Variants in DHX38 observed in about 807,000 individuals in gnomAD.
DHX38 encodes pre-mRNA-splicing factor ATP-dependent RNA helicase PRP16.
A neutral mutation model predicts 153.1 loss-of-function variants in DHX38; 100 were observed. That is an observed-to-expected ratio of 0.65 (90% CI 0.56 to 0.77). DHX38 has a LOEUF of 0.77. DHX38 is among the 30% of genes least tolerant of loss of function. The pLI is 0.00. For missense variants in DHX38, 1,440 were observed against 1,654.0 expected, an observed-to-expected ratio of 0.87 and a Z score of 2.24; for synonymous variants, 650 against 631.7, an observed-to-expected ratio of 1.03 and a Z score of -0.43.
At chr16:72,103,242 G>A (rs1347231482) in intron 12 of DHX38, 31 bp downstream of exon 12, 10 of 1,607,704 alleles carry the variant, frequency 6.2e-6, no homozygotes, top group Non-Finnish European at 7.7e-6. Context: ...GGAATCTAGT[G>A]TCAAGTCAGG....
At position 72,109,458 on chromosome 16, in the gene DHX38, C is replaced by A; in HGVS notation, c.3425C>A (p.Ala1142Glu). Residue 1142 changes from alanine (A) to glutamate (E), a missense_variant, in exon 25 of 27, where the codon GCG becomes GAG. By Grantham distance (107) the Ala-to-Glu change is moderately radical (BLOSUM62 -1). Transcript: ENST00000268482. ...CVTAVDGEWL[A>E]ELGPMFYSVK... ...ACCGCTGTGGACGGGGAGTGGCTGG[C>A]GGAGCTGGGCCCCATGTTCTATAGC... The A allele has an allele frequency of 6.4e-7, 1 of 1,573,502 alleles. No homozygotes were observed. Among genetic ancestry groups the A allele is most frequent in the East Asian group, 2.4e-5 (1 of 41,490 alleles).
At position 72,107,728 on chromosome 16, in the gene DHX38, A is replaced by G. The variant is rs780160485; in HGVS notation, c.2893A>G (p.Met965Val). The change falls in exon 21 of 27, where the codon ATG (methionine) becomes GTG (valine). Residue 965 changes from methionine (M) to valine (V), a missense_variant. Coordinates refer to ENST00000268482, the MANE Select transcript of DHX38 (RefSeq NM_014003.4). This position sits in a 1 kb window ranked among gnomAD's most constrained non-coding sequence, Gnocchi z 5.3. ...LSKMLIVSCD[M>V]GCSSEILLIV... is the part of the protein sequence containing the mutation. ...CAAGATGCTCATCGTGTCCTGTGAC[A>G]TGGGCTGCAGCTCCGAGATCCTGCT... is the stretch of plus-strand genomic sequence containing the variant. The G allele has an allele frequency of 6.3e-5, 102 of 1,613,856 alleles. No individual in the cohort carries two copies. Among genetic ancestry groups the G allele is most frequent in the Middle Eastern group, 1.6e-4 (1 of 6,084 alleles).
At chr16:72,102,073 G>A (rs2042109293) in intron 11 of DHX38, among the ~76,000 whole-genome samples, 1 of 152,220 alleles carries the variant, frequency 6.6e-6, no homozygotes, top group African/African-American at 2.4e-5. Flanking sequence ...ATTGGCCAGT[G>A]ACTTCTCTGC....
chr16:72,103,170 G>A lies in DHX38; in HGVS notation c.1596G>A (p.Leu532=), dbSNP rs1471027233. 1.9e-6 allele frequency: 3 copies of A among 1,614,230 alleles called. No individual in the cohort carries two copies. The highest frequency in any genetic ancestry group is 4.5e-5 in the East Asian group (2 of 44,890). ...CCATCCTGGAGCAGAGGCAGTACCTGCCCATCTTTGCAGTGCAGCAGGAGC... is the reference window on the plus strand; with the variant it reads ...CCATCCTGGAGCAGAGGCAGTACCTACCCATCTTTGCAGTGCAGCAGGAGC... ...KKSILEQRQY[L]PIFAVQQELL... The change falls in exon 12 of 27, where the codon CTG becomes CTA. Residue 532 remains leucine (L), a synonymous_variant. Coordinates refer to ENST00000268482, the MANE Select transcript of DHX38 (RefSeq NM_014003.4).
intron 3 of DHX38, 100 bp downstream of exon 3, chr16:72,097,109 G>C: frequency 2.2e-6 from 3 of 1,345,944 alleles, no homozygotes; most frequent in Non-Finnish European, 3.0e-6. Context: ...ATTTGTTAGG[G>C]AGTCCTATTT....
intron 3 of DHX38, 78 bp from the exon 4 acceptor site, chr16:72,097,599 C>G: frequency 7.1e-7 from 1 of 1,404,242 alleles, no homozygotes; most frequent in Admixed American, 1.9e-5. Flanking sequence ...AGTGGGCAGC[C>G]TGTCCTTTCT....
At chr16:72,109,803 A>C in intron 25 of DHX38, 1 of 239,724 alleles carries the variant, frequency 4.2e-6, no homozygotes, top group Non-Finnish European at 8.0e-6. Context: ...TGCCTCTATA[A>C]TTGTCAACGT....
In DHX38 at chr16:72,101,595, T is replaced by G. The variant is rs1372902436; in HGVS notation, c.1482T>G (p.Asp494Glu). 1 of 1,551,506 alleles carries G rather than the reference T, an allele frequency of 6.4e-7. No homozygotes were observed. The highest frequency in any genetic ancestry group is 8.7e-7 in the Non-Finnish European group (1 of 1,147,036). ...AGCCAGATAAAGCTGTGACGGAGGA[T>G]GGGAAGGTGGACTACAGGTGGGCAG... ...EEEPDKAVTE[D>E]GKVDYRTEQK... is the part of the protein sequence containing the mutation. Residue 494 changes from aspartate to glutamate, a missense_variant, in exon 11 of 27, where the codon GAT (aspartate) becomes GAG (glutamate). Coordinates refer to ENST00000268482, the MANE Select transcript of DHX38 (RefSeq NM_014003.4).
intron 7 of DHX38, among the ~76,000 whole-genome samples, chr16:72,099,491 C>T (rs1030575119): frequency 1.3e-5 from 2 of 152,100 alleles, no homozygotes; most frequent in African/African-American, 4.8e-5. Flanking sequence ...GTGTTGGTGC[C>T]ACCATGTGGT....
At chr16:72,111,135 A>G in intron 26 of DHX38, 58 bp downstream of exon 26, 1 of 1,496,908 alleles carries the variant, frequency 6.7e-7, no homozygotes, top group Non-Finnish European at 8.9e-7. Flanking sequence ...AGGCTGCCAG[A>G]GACCAGGCCC....
In DHX38 at chr16:72,109,478, T is replaced by C; in HGVS notation, c.3445T>C (p.Tyr1149His). Residue 1149 changes from tyrosine to histidine, a missense_variant, in exon 25 of 27, where the codon TAT becomes CAT. This residue lies in a region of DHX38 where 543 missense variants were observed against 717.9 expected (regional missense o/e 0.76). Coordinates refer to ENST00000268482, the MANE Select transcript of DHX38 (RefSeq NM_014003.4). Reference protein sequence around the residue: ...EWLAELGPMFYSVKQAGKSRQ... With the variant: ...EWLAELGPMFHSVKQAGKSRQ... ...GCTGGCGGAGCTGGGCCCCATGTTC[T>C]ATAGCGTGAAACAGGCGGGCAAGTC... is the stretch of plus-strand genomic sequence containing the variant. The C allele has an allele frequency of 6.2e-7, 1 of 1,612,982 alleles. No homozygotes were observed. The highest frequency in any genetic ancestry group is 1.3e-5 in the African/African-American group (1 of 74,980).
At position 72,103,063 on chromosome 16, in the gene DHX38, T is replaced by C. The variant is rs1183708800; in HGVS notation, c.1500-11T>C. On this transcript the variant is annotated splice_polypyrimidine_tract_variant and intron_variant, in intron 11 of 26. Coordinates refer to ENST00000268482, the MANE Select transcript of DHX38 (RefSeq NM_014003.4). ...ACCATGCAGGGTGTTTAGGCTGCTG[T>C]GTGTTCCTAGGACAGAGCAGAAGTT... The C allele has an allele frequency of 1.2e-6, 2 of 1,613,834 alleles. No homozygotes were observed. The highest frequency in any genetic ancestry group is 2.2e-5 in the South Asian group (2 of 91,054).
At chr16:72,106,706 CT>C (rs2042183211) in intron 19 of DHX38, among the ~76,000 whole-genome samples, 2 of 152,348 alleles carry the variant, frequency 1.3e-5, no homozygotes, top group African/African-American at 4.8e-5. Context: ...CTGTCTTGGC[CT>C]CCCAAACTGT....
intron 25 of DHX38, 44 bp from the exon 26 acceptor site, chr16:72,110,912 A>AATC: frequency 6.5e-7 from 1 of 1,534,816 alleles, no homozygotes; most frequent in Non-Finnish European, 8.8e-7. Flanking sequence ...CTCCTTCCTT[A>AATC]GTGGTCCCCA....
Position 72,108,850 on chromosome 16 carries a change from C to A in DHX38, c.3306C>A (p.His1102Gln). 3 of 1,614,088 alleles carry A rather than the reference C, an allele frequency of 1.9e-6. No homozygotes were observed. The highest frequency in any genetic ancestry group is 2.5e-6 in the Non-Finnish European group (3 of 1,180,008). Residue 1102 changes from histidine to glutamine, a missense_variant, in exon 24 of 27, where the codon CAC becomes CAA. His to Gln is a conservative substitution (Grantham distance 24). Transcript: ENST00000268482. ...NIRTGMPCHL[H>Q]PTSSLFGMGY... ...GCACAGGGATGCCCTGCCACTTGCA[C>A]CCCACCAGCTCCCTTTTTGGAATGG...
At chr16:72,108,965 T>C (rs1056162110) in intron 24 of DHX38, 40 bp downstream of exon 24, 1 of 1,550,998 alleles carries the variant, frequency 6.4e-7, no homozygotes, top group Admixed American at 2.0e-5. Context: ...GCAGGCCCCC[T>C]GTCTGGCCAG....
At chr16:72,112,004 C>G (rs1409531527) in intron 26 of DHX38, among the ~76,000 whole-genome samples, 1 of 152,158 alleles carries the variant, frequency 6.6e-6, no homozygotes, top group African/African-American at 2.4e-5. Flanking sequence ...CATAATCTCT[C>G]AAACGAGGGC....
Position 72,100,704 on chromosome 16 carries a change from G to T in DHX38, c.1278+107G>T, listed in dbSNP as rs113004326. 11,597 of 1,467,814 alleles carry T rather than the reference G, an allele frequency of 7.9e-3. 696 individuals are homozygous for T. In the African/African-American group the frequency reaches 0.14, roughly 18 times the overall value. The allele number at this position is 1,467,814 out of a possible 1,614,324, so 90.9% of individuals were successfully genotyped here. On this transcript the variant is annotated intron_variant, in intron 9 of 26. Coordinates refer to ENST00000268482, the MANE Select transcript of DHX38 (RefSeq NM_014003.4). Reference sequence around the variant, plus strand: ...CCGGCACTTTGGGAGGCTGAGGAGGGTGGATCATTGGATACCAGGAGTTCA... The same window carrying T: ...CCGGCACTTTGGGAGGCTGAGGAGGTTGGATCATTGGATACCAGGAGTTCA...
rs371528207 is a variant in DHX38, at chr16:72,103,978, T to C, written c.1857T>C (p.Thr619=). 1.4e-4 allele frequency: 220 copies of C among 1,614,078 alleles called. No homozygotes were observed. Among genetic ancestry groups the C allele is most frequent in the Non-Finnish European group, 1.8e-4 (207 of 1,180,046 alleles). The change falls in exon 14 of 27, where the codon ACT becomes ACC. Residue 619 remains threonine (T), a synonymous_variant. Coordinates refer to ENST00000268482, the MANE Select transcript of DHX38 (RefSeq NM_014003.4). The part of the protein sequence containing the change: ...VGYAIRFEDC[T]SENTLIKYMT... ...ATGCCATCCGCTTTGAAGACTGCAC[T>C]TCAGAGAACACCTTGATCAAATACA...
Sources: allele counts gnomAD v4.1 joint callset (sites outside exome capture counted in the v4.1 genomes callset), GRCh38; gene constraint gnomAD v4.1.1; regional missense constraint gnomAD v4.1.1; non-coding constraint Gnocchi (gnomAD v3.1); transcripts MANE v1.5; gene names NCBI Gene and HGNC (gene_info 2026-07-23, HGNC 2026-07-21).